LUC7L2: variants seen among roughly 807,000 people sequenced by gnomAD.
The protein encoded by LUC7L2 is LUC7 like 2, pre-mRNA splicing factor.
LUC7L2 carries 25 observed loss-of-function variants against 52.8 expected under a neutral mutation model. The observed-to-expected ratio is 0.47, with a 90% CI of 0.34 to 0.66. The LOEUF is 0.66. LUC7L2 is among the 30% of genes least tolerant of loss of function. The pLI is 0.01. For missense variants in LUC7L2, 328 were observed against 497.8 expected (o/e 0.66, Z 3.25); for synonymous variants, 144 against 160.9 (o/e 0.89, Z 0.80).
At chr7:139,409,422 TG>T in intron 6 of LUC7L2, 140 bp from the exon 7 acceptor site, 1 of 1,080,590 alleles carries the variant, frequency 9.3e-7, no homozygotes, top group Non-Finnish European at 1.2e-6. Flanking sequence ...TGATTATTTC[TG>T]GCAGTACTTC....
At chr7:139,399,811 G>A (rs1441312350) in intron 3 of LUC7L2, among the ~76,000 whole-genome samples, 2 of 151,938 alleles carry the variant, frequency 1.3e-5, no homozygotes. Context: ...GAAAAACCAA[G>A]AAATGGAAGA....
intron 2 of LUC7L2, among the ~76,000 whole-genome samples, chr7:139,387,468 C>A: frequency 6.6e-6 from 1 of 152,206 alleles, no homozygotes; most frequent in Non-Finnish European, 1.5e-5. Context: ...GTGTGAGCCA[C>A]TGCGCCTGGC....
chr7:139,340,831 CT>C (rs112287672), intron 1 of LUC7L2, among the ~76,000 whole-genome samples: 2,246 of 144,998 alleles, frequency 0.015, 53 homozygotes, highest in African/African-American at 0.049. Context: ...GCCAACTTTA[CT>C]TTTTTTTTTT....
At position 139,406,503 on chromosome 7, in the gene LUC7L2, C is replaced by A. The variant is rs546617512; in HGVS notation, c.511-671C>A. Among the ~76,000 whole-genome samples the A allele has an allele frequency of 2.6e-5, 4 of 151,942 alleles. No homozygotes were observed. The South Asian group carries it at 8.3e-4, about 32-fold the overall frequency. The stretch of plus-strand genomic sequence containing the variant: ...GAGTAGCTGGGACTACAGGTGTGCA[C>A]CACCATGCCCGGCTAATTTTTTGTA... On this transcript the variant is annotated intron_variant, in intron 5 of 9. Transcript: ENST00000354926.
intron 1 of LUC7L2, among the ~76,000 whole-genome samples, chr7:139,373,784 T>C (rs779451564): frequency 6.6e-6 from 1 of 152,224 alleles, no homozygotes; most frequent in African/African-American, 2.4e-5. Flanking sequence ...ACTCCATGAA[T>C]ACTGATTTTA....
At chr7:139,375,086 C>T (rs1185766908) in intron 1 of LUC7L2, 5 of 983,676 alleles carry the variant, frequency 5.1e-6, no homozygotes, top group African/African-American at 3.5e-5. Flanking sequence ...TAGGGCTTAT[C>T]ATTCTATATA....
At chr7:139,363,742 A>T (rs1799997017) in intron 1 of LUC7L2, among the ~76,000 whole-genome samples, 2 of 152,128 alleles carry the variant, frequency 1.3e-5, no homozygotes, top group Admixed American at 6.5e-5. Flanking sequence ...TGCACAGGAA[A>T]ATCCAAGAAA....
intron 1 of LUC7L2, chr7:139,374,790 A>T: frequency 8.9e-7 from 1 of 1,126,220 alleles, no homozygotes; most frequent in East Asian, 5.1e-5. Flanking sequence ...CCCCATCTAA[A>T]AATGATAGTG....
At chr7:139,419,384 C>CAGAGA (rs1162557231) in intron 9 of LUC7L2, among the ~76,000 whole-genome samples, 1 of 152,126 alleles carries the variant, frequency 6.6e-6, no homozygotes, top group Non-Finnish European at 1.5e-5. Flanking sequence ...TAGGCAAATG[C>CAGAGA]AGAGAATGAG....
chr7:139,389,655 TAA>T (rs1465530987), intron 2 of LUC7L2, among the ~76,000 whole-genome samples: 2 of 152,194 alleles, frequency 1.3e-5, no homozygotes, highest in Non-Finnish European at 2.9e-5. Context: ...GCCAAGGAAA[TAA>T]GTTATTCATT....
intron 2 of LUC7L2, among the ~76,000 whole-genome samples, chr7:139,391,525 C>T (rs920424871): frequency 2.0e-5 from 3 of 151,980 alleles, no homozygotes; most frequent in African/African-American, 4.8e-5. Context: ...TATGTCTATT[C>T]GTTGATTTTA....
chr7:139,399,715 C>T (rs1410774715), intron 3 of LUC7L2, among the ~76,000 whole-genome samples: 3 of 151,862 alleles, frequency 2.0e-5, no homozygotes, highest in Non-Finnish European at 2.9e-5. Flanking sequence ...GTGATCCGCC[C>T]GCCTCAGCCT....
At chr7:139,408,425 A>C (rs964228961) in intron 6 of LUC7L2, among the ~76,000 whole-genome samples, 8 of 152,256 alleles carry the variant, frequency 5.3e-5, no homozygotes, top group African/African-American at 1.9e-4. Flanking sequence ...TTTCCATATT[A>C]GAAATCACAG....
At chr7:139,355,962 G>T (rs1447036825), upstream of LUC7L2, among the ~76,000 whole-genome samples, 2 of 152,144 alleles carry the variant, frequency 1.3e-5, no homozygotes, top group African/African-American at 2.4e-5. Context: ...AAACAGAACT[G>T]ACTTCTTAGG....
At chr7:139,348,419 T>G (rs1799338733) in intron 1 of LUC7L2, among the ~76,000 whole-genome samples, 2 of 151,924 alleles carry the variant, frequency 1.3e-5, no homozygotes, top group African/African-American at 4.8e-5. Context: ...AGATTTAGAT[T>G]GTTAAAAAAT....
rs1487888650 is a variant in LUC7L2, at chr7:139,398,630, A to G, written c.188A>G (p.His63Arg). 1.9e-6 allele frequency: 3 copies of G among 1,612,732 alleles called. No homozygotes were observed. Among genetic ancestry groups the G allele is most frequent in the Admixed American group, 1.7e-5 (1 of 59,670 alleles). The change falls in exon 3 of 10, where the codon CAT becomes CGT. Residue 63 changes from histidine (H) to arginine (R), a missense_variant. His to Arg is a conservative substitution (Grantham distance 29, BLOSUM62 0). This residue lies in a region of LUC7L2 where 133 missense variants were observed against 274.4 expected (regional missense o/e 0.48). Transcript: ENST00000354926. ...RMDLGECLKV[H>R]DLALRADYEI... is the part of the protein sequence containing the mutation. ...GATCTTGGAGAATGTCTGAAAGTCC[A>G]TGACCTGGCTTTAAGAGCGGATTAT...
chr7:139,407,326 AAGAG>A lies in LUC7L2; in HGVS notation c.667_670del (p.Glu223SerfsTer5). The A allele has an allele frequency of 6.2e-7, 1 of 1,610,172 alleles. No individual in the cohort carries two copies. Among genetic ancestry groups the A allele is most frequent in the Admixed American group, 1.7e-5 (1 of 59,406 alleles). ...AACTGCACCTGGGATTTATTGAAAT[AAGAG>A]AGAAGCTTGAAGAATTAAAGGTACA... On this transcript the variant is annotated frameshift_variant, in exon 6 of 10. Coordinates refer to ENST00000354926, the MANE Select transcript of LUC7L2 (RefSeq NM_016019.5). LOFTEE classifies it high-confidence loss of function.
At chr7:139,344,705 T>C (rs1799182787) in intron 1 of LUC7L2, among the ~76,000 whole-genome samples, 1 of 144,616 alleles carries the variant, frequency 6.9e-6, no homozygotes, top group African/African-American at 2.5e-5. Context: ...CTTTTTTTTT[T>C]TTTTTTTTTT....
chr7:139,387,428 C>T lies in LUC7L2; in HGVS notation c.157-11171C>T, dbSNP rs184475142. On this transcript the variant is annotated intron_variant, in intron 2 of 9. Transcript: ENST00000354926. ...CAGGCTGGTCTTGAACTCCTGCTCA[C>T]CTTGGCCTTCCAAAGTGCTGGGATT... 6.4e-4 allele frequency among the ~76,000 whole-genome samples: 97 copies of T among 152,264 alleles called. No homozygotes were observed. In the East Asian group the frequency reaches 0.017, roughly 27 times the overall value.
Sources: gnomAD v4.1 joint callset for allele counts (sites outside exome capture counted in the v4.1 genomes callset) on GRCh38, gnomAD v4.1.1 for gene constraint, gnomAD v4.1.1 regional missense constraint, MANE v1.5 for transcripts, NCBI Gene and HGNC (gene_info 2026-07-23, HGNC 2026-07-21) for gene names.